CROCC: variants seen among roughly 807,000 people sequenced by gnomAD.
CROCC encodes the protein rootletin.
In CROCC, 180 loss-of-function variants were observed where a neutral mutation model predicts 245.2. The observed-to-expected ratio is 0.73, with a 90% confidence interval of 0.65 to 0.83. The LOEUF (loss-of-function observed/expected upper bound fraction) is 0.83, where lower values mean the gene tolerates loss of function less well. CROCC is among the 40% of genes least tolerant of loss of function. The pLI is 0.00. For missense variants in CROCC, 2,688 were observed against 2,779.4 expected, an observed-to-expected ratio of 0.97 and a Z score of 0.74; for synonymous variants, 1,205 against 1,241.6, an observed-to-expected ratio of 0.97 and a Z score of 0.62.
intron 1 of CROCC, among the ~76,000 whole-genome samples, chr1:16,915,781 C>T (rs545735039): frequency 2.6e-5 from 4 of 152,348 alleles, no homozygotes; most frequent in Admixed American, 6.5e-5. Flanking sequence ...GGCCGACAAG[C>T]GGGAGTCAGC....
At position 16,954,872 on chromosome 1, in the gene CROCC, C is replaced by G. The variant is rs928517239; in HGVS notation, c.3460C>G (p.Arg1154Gly). ...DLGKQRDSCL[R>G]EAEELRTQLR... Reference sequence around the variant, plus strand: ...GGGCAAGCAGCGGGACTCCTGTCTTCGCGAGGTGAGCAGCCGCCCCCCTCT... The same window carrying G: ...GGGCAAGCAGCGGGACTCCTGTCTTGGCGAGGTGAGCAGCCGCCCCCCTCT... The change falls in exon 23 of 37, where the codon CGC (arginine) becomes GGC (glycine). Residue 1154 changes from arginine (R) to glycine (G), a missense_variant. Transcript: ENST00000375541. This position sits in a 1 kb window ranked among gnomAD's most constrained non-coding sequence, Gnocchi z 4.4. 6.5e-7 allele frequency: 1 copy of G among 1,528,470 alleles called. No homozygotes were observed. Among genetic ancestry groups the G allele is most frequent in the Non-Finnish European group, 8.8e-7 (1 of 1,130,002 alleles). 94.7% of individuals were successfully genotyped at this position (1,528,470 alleles called of 1,614,324 possible).
At chr1:16,923,195 A>G (rs2075448587) in intron 2 of CROCC, among the ~76,000 whole-genome samples, 2 of 152,144 alleles carry the variant, frequency 1.3e-5, no homozygotes, top group African/African-American at 2.4e-5. Context: ...TCCGTTTCCC[A>G]CGTGGGCAGG....
chr1:16,961,566 G>A (rs748794764), intron 27 of CROCC, among the ~76,000 whole-genome samples: 2 of 151,960 alleles, frequency 1.3e-5, no homozygotes, highest in South Asian at 2.1e-4. Context: ...CACGGCACCC[G>A]GTCTAGGCCA....
intron 11 of CROCC, 135 bp from the exon 12 acceptor site, chr1:16,938,774 G>C: frequency 1.1e-6 from 1 of 919,208 alleles, no homozygotes. Flanking sequence ...TGGAGGAGGT[G>C]AAATCAGGAA....
At chr1:16,922,896 A>G in intron 2 of CROCC, 98 bp downstream of exon 2, 1 of 1,499,112 alleles carries the variant, frequency 6.7e-7, no homozygotes, top group Middle Eastern at 1.8e-4. Context: ...CATGACTGTA[A>G]CTCACTGTGG....
chr1:16,931,441 T>A, intron 8 of CROCC, 44 bp downstream of exon 8: 1 of 1,508,076 alleles, frequency 6.6e-7, no homozygotes, highest in Non-Finnish European at 9.2e-7. Context: ...GAGCCAGCCC[T>A]GCTCTTTATG....
Position 16,965,761 on chromosome 1 carries a change from T to A in CROCC, c.4444T>A (p.Cys1482Ser). 6.2e-7 allele frequency: 1 copy of A among 1,613,888 alleles called. No homozygotes were observed. Among genetic ancestry groups the A allele is most frequent in the East Asian group, 2.2e-5 (1 of 44,886 alleles). The change falls in exon 28 of 37, where the codon TGC (cysteine) becomes AGC (serine). Residue 1482 changes from cysteine to serine, a missense_variant. This residue lies in a region of CROCC where 1,218 missense variants were observed against 1,286.3 expected (regional missense o/e 0.95). Coordinates refer to ENST00000375541, the MANE Select transcript of CROCC (RefSeq NM_014675.5). ...GCTCAACAGCCCCAGCACCTTAGAA[T>A]GCAGCCCTGGGTCCCAGCCACCATC... Reference protein sequence around the residue: ...EGLNSPSTLECSPGSQPPSPG... With the variant: ...EGLNSPSTLESSPGSQPPSPG...
intron 8 of CROCC, among the ~76,000 whole-genome samples, chr1:16,933,991 T>C (rs1235760385): frequency 1.3e-5 from 2 of 152,270 alleles, no homozygotes; most frequent in African/African-American, 4.8e-5. Flanking sequence ...CTTTATCCCA[T>C]GTATTTCCTG....
At chr1:16,929,578 C>T (rs1459460382) in intron 3 of CROCC, among the ~76,000 whole-genome samples, 1 of 152,294 alleles carries the variant, frequency 6.6e-6, no homozygotes, top group Non-Finnish European at 1.5e-5. Context: ...GACCCAGGTG[C>T]ACCTTTGAGC....
chr1:16,968,124 C>T lies in CROCC; in HGVS notation c.4861-79C>T, dbSNP rs2076448626. On this transcript the variant is annotated intron_variant, in intron 30 of 36. Coordinates refer to ENST00000375541, the MANE Select transcript of CROCC (RefSeq NM_014675.5). Reference sequence around the variant, plus strand: ...CCTTCGAGGCTGCTCCCCACTTTCCCCCTAAGGGCCCCAGGGCGTGTGCGG... The same window carrying T: ...CCTTCGAGGCTGCTCCCCACTTTCCTCCTAAGGGCCCCAGGGCGTGTGCGG... The T allele has an allele frequency of 3.5e-6, 5 of 1,432,810 alleles. No individual in the cohort carries two copies. In the Admixed American group the frequency reaches 8.0e-5, roughly 23 times the overall value. The allele number at this position is 1,432,810 out of a possible 1,614,324, so 88.8% of individuals were successfully genotyped here.
At chr1:16,968,106 G>A in intron 30 of CROCC, 97 bp from the exon 31 acceptor site, 1 of 1,285,796 alleles carries the variant, frequency 7.8e-7, no homozygotes, top group Non-Finnish European at 1.1e-6. Context: ...CACCCTTCGA[G>A]GCTGCTCCCC....
intron 8 of CROCC, among the ~76,000 whole-genome samples, chr1:16,934,578 C>T (rs558801973): frequency 3.9e-5 from 6 of 152,394 alleles, no homozygotes; most frequent in African/African-American, 1.2e-4. Context: ...GCTGGAATTA[C>T]AGAAATGGCC....
chr1:16,969,265 C>A lies in CROCC; in HGVS notation c.5226C>A (p.Leu1742=). ...TEALAQSSAS[L]NSTRDKNLHL... Reference sequence around the variant, plus strand: ...CCCTGGCCCAGAGCAGTGCCAGCCTCAACAGCACCCGGGACAAGAACCTGC... The same window carrying A: ...CCCTGGCCCAGAGCAGTGCCAGCCTAAACAGCACCCGGGACAAGAACCTGC... Residue 1742 remains leucine, a synonymous_variant, in exon 32 of 37, where the codon CTC becomes CTA. Transcript: ENST00000375541. 6.2e-7 allele frequency: 1 copy of A among 1,613,406 alleles called. No homozygotes were observed. The highest frequency in any genetic ancestry group is 8.5e-7 in the Non-Finnish European group (1 of 1,179,890).
At chr1:16,959,534 C>T (rs2076297210) in intron 26 of CROCC, among the ~76,000 whole-genome samples, 1 of 152,188 alleles carries the variant, frequency 6.6e-6, no homozygotes, top group East Asian at 1.9e-4. Context: ...GCTAGCACAG[C>T]CGAGCATGTA....
Position 16,971,146 on chromosome 1 carries a change from G to T in CROCC, c.5785-319G>T, listed in dbSNP as rs1377642950. Among the ~76,000 whole-genome samples, 4 of 152,010 alleles carry T rather than the reference G, an allele frequency of 2.6e-5. No homozygotes were observed. In the East Asian group the frequency reaches 7.7e-4, roughly 29 times the overall value. ...GAGTTGGGCCTTTGCACATACACAT[G>T]CACCTGTGTGAGTCCAGATAGGTAT... On this transcript the variant is annotated intron_variant, in intron 35 of 36. Coordinates refer to ENST00000375541, the MANE Select transcript of CROCC (RefSeq NM_014675.5).
chr1:16,969,700 CTG>C, intron 32 of CROCC, 83 bp from the exon 33 acceptor site: 1 of 1,518,516 alleles, frequency 6.6e-7, no homozygotes, highest in Non-Finnish European at 8.8e-7. Context: ...GTTTTATGCT[CTG>C]TGGACCTGTC....
At chr1:16,926,973 T>G (rs2075547931) in intron 3 of CROCC, among the ~76,000 whole-genome samples, 1 of 152,250 alleles carries the variant, frequency 6.6e-6, no homozygotes. Context: ...GGGCCCTGGC[T>G]CTGGTTCTGA....
At position 16,966,447 on chromosome 1, in the gene CROCC, C is replaced by T. The variant is rs1237996165; in HGVS notation, c.4736C>T (p.Ala1579Val). ...SVDGRLSGVQ[A>V]ELALQEESVR... The stretch of plus-strand genomic sequence containing the variant: ...GATGGGCGGCTGAGCGGGGTCCAGG[C>T]GGAGCTGGCGCTGCAGGAGGAGAGT... Residue 1579 changes from alanine (A) to valine (V), a missense_variant, in exon 30 of 37, where the codon GCG becomes GTG. This residue lies in a region of CROCC where 1,218 missense variants were observed against 1,286.3 expected (regional missense o/e 0.95). Transcript: ENST00000375541. The surrounding 1 kb of genome is among the most constrained non-coding windows in gnomAD (Gnocchi z 4.8). 2.7e-5 allele frequency: 41 copies of T among 1,536,698 alleles called. No homozygotes were observed. The highest frequency in any genetic ancestry group is 5.9e-5 in the Admixed American group (3 of 50,718).
chr1:16,939,984 G>T lies in CROCC; in HGVS notation c.1699G>T (p.Glu567Ter). 3 of 1,612,436 alleles carry T rather than the reference G, an allele frequency of 1.9e-6. No homozygotes were observed. The highest frequency in any genetic ancestry group is 2.5e-6 in the Non-Finnish European group (3 of 1,179,750). ...SDSESERRALEEQLQRLRDKT... is the reference protein window; with the variant it reads ...SDSESERRAL ...CAGCGAGAGCGAGCGGCGGGCCCTA[G>T]AGGAACAGCTGCAGCGCCTGCGGGA... Residue 567 changes from glutamate (E) to a stop codon, truncating the protein, a stop_gained, in exon 13 of 37, where the codon GAG becomes TAG. Coordinates refer to ENST00000375541, the MANE Select transcript of CROCC (RefSeq NM_014675.5). LOFTEE classifies it high-confidence loss of function.
Sources: gnomAD v4.1 joint callset for allele counts (sites outside exome capture counted in the v4.1 genomes callset) on GRCh38, gnomAD v4.1.1 for gene constraint, gnomAD v4.1.1 regional missense constraint, Gnocchi (gnomAD v3.1) non-coding constraint, MANE v1.5 for transcripts, NCBI Gene and HGNC (gene_info 2026-07-23, HGNC 2026-07-21) for gene names.